The following SOX5 variants were observed in gnomAD, a reference collection of about 807,000 sequenced individuals.
SOX5 encodes SRY-box transcription factor 5, also known as transcription factor SOX-5.
A neutral mutation model predicts 92.0 loss-of-function variants in SOX5; 9 were observed. The observed-to-expected ratio is 0.10, with a 90% CI of 0.06 to 0.17. The LOEUF is 0.17. Among genes scored for constraint, SOX5 ranks in the 10% least tolerant of loss-of-function variants. The pLI is 1.00. For missense variants in SOX5, 642 were observed against 944.5 expected, an observed-to-expected ratio of 0.68 and a Z score of 4.20; for synonymous variants, 344 against 336.3, an observed-to-expected ratio of 1.02 and a Z score of -0.25.
At chr12:23,563,211 C>A in intron 11 of SOX5, 47 bp downstream of exon 11, 1 of 1,430,598 alleles carries the variant, frequency 7.0e-7, no homozygotes, top group Non-Finnish European at 9.6e-7. Context: ...AAGCATTAGG[C>A]AATTTAATTA....
chr12:24,121,662 G>A (rs541961188), intron 4 of SOX5, among the ~76,000 whole-genome samples: 126 of 150,382 alleles, frequency 8.4e-4, no homozygotes, highest in African/African-American at 2.9e-3. Flanking sequence ...GCTGAGGTAG[G>A]TGGATCACAA....
chr12:24,313,538 A>C (rs1205871279), intron 2 of SOX5, among the ~76,000 whole-genome samples: 1 of 152,192 alleles, frequency 6.6e-6, no homozygotes, highest in East Asian at 1.9e-4. Flanking sequence ...CAAAAAAAAT[A>C]CAAAAAAAAG....
intron 3 of SOX5, among the ~76,000 whole-genome samples, chr12:24,238,445 A>G (rs1265755425): frequency 6.6e-6 from 1 of 152,176 alleles, no homozygotes; most frequent in Non-Finnish European, 1.5e-5. Context: ...TCAACCCCCC[A>G]GGCTCAGGTG....
At chr12:24,345,662 TGAAA>T (rs1953143569) in intron 2 of SOX5, among the ~76,000 whole-genome samples, 1 of 152,220 alleles carries the variant, frequency 6.6e-6, no homozygotes, top group Admixed American at 6.5e-5. Context: ...TTGATAATTT[TGAAA>T]GAATTATGAT....
intron 6 of SOX5, among the ~76,000 whole-genome samples, chr12:23,675,626 T>A (rs1322444669): frequency 6.6e-6 from 1 of 152,164 alleles, no homozygotes; most frequent in Non-Finnish European, 1.5e-5. Flanking sequence ...TTCTTGAGAC[T>A]GGCCTTGGCA....
At chr12:24,035,601 T>C (rs565396958) in intron 4 of SOX5, among the ~76,000 whole-genome samples, 1 of 152,098 alleles carries the variant, frequency 6.6e-6, no homozygotes, top group South Asian at 2.1e-4. Context: ...ATAGTGATCA[T>C]AAAGAAAATG....
At chr12:24,427,753 A>T (rs1966857073) in intron 1 of SOX5, among the ~76,000 whole-genome samples, 1 of 152,194 alleles carries the variant, frequency 6.6e-6, no homozygotes, top group East Asian at 1.9e-4. Context: ...GTGTAACAGT[A>T]AAAGACTAAC....
chr12:24,493,164 G>A (rs1947263044), intron 1 of SOX5, among the ~76,000 whole-genome samples: 1 of 152,006 alleles, frequency 6.6e-6, no homozygotes, highest in African/African-American at 2.4e-5. Context: ...TTCATACTAT[G>A]GGATTTTATT....
intron 4 of SOX5, among the ~76,000 whole-genome samples, chr12:24,010,643 T>C (rs886476123): frequency 1.3e-5 from 2 of 152,112 alleles, no homozygotes; most frequent in African/African-American, 4.8e-5. Flanking sequence ...AAAATTTGAA[T>C]AATATTCTAG....
intron 4 of SOX5, among the ~76,000 whole-genome samples, chr12:24,151,755 A>G (rs997521363): frequency 6.6e-6 from 1 of 152,198 alleles, no homozygotes; most frequent in Admixed American, 6.5e-5. Flanking sequence ...AGTTGAAATG[A>G]AAAACTTCTC....
chr12:23,611,218 T>C (rs2075905709), intron 8 of SOX5, among the ~76,000 whole-genome samples: 1 of 152,146 alleles, frequency 6.6e-6, no homozygotes, highest in Non-Finnish European at 1.5e-5. Flanking sequence ...CTGTTTTAGA[T>C]TCCACAGGTA....
intron 3 of SOX5, among the ~76,000 whole-genome samples, chr12:23,757,508 C>G (rs1243161982): frequency 6.6e-6 from 1 of 151,878 alleles, no homozygotes; most frequent in East Asian, 1.9e-4. Flanking sequence ...TCCCAGTAAA[C>G]AGTTTGAGAG....
rs1448365607 is a variant in SOX5 at position 23,612,904 on chromosome 12, G to C, written c.1018-8371C>G. ...AGCTTCCTAATGTAACTTAAATGTG[G>C]AGTTTAAAGAGAAACTAATGTACTG... On this transcript the variant is annotated intron_variant, in intron 8 of 14. Transcript: ENST00000451604. Among the ~76,000 whole-genome samples the C allele has an allele frequency of 2.6e-5, 4 of 152,118 alleles. No homozygotes were observed. The East Asian group carries it at 5.8e-4, about 22-fold the overall frequency.
intron 4 of SOX5, among the ~76,000 whole-genome samples, chr12:24,049,175 T>G (rs940819997): frequency 6.6e-6 from 1 of 152,208 alleles, no homozygotes; most frequent in African/African-American, 2.4e-5. Context: ...GGAAAGGAAG[T>G]TGGTTTTCTT....
intron 6 of SOX5, among the ~76,000 whole-genome samples, chr12:23,666,043 A>G (rs1045068793): frequency 2.0e-5 from 3 of 152,140 alleles, no homozygotes; most frequent in Non-Finnish European, 4.4e-5. Context: ...CACACATAAT[A>G]TTGAATTTTT....
intron 2 of SOX5, among the ~76,000 whole-genome samples, chr12:24,351,541 C>T (rs1357599483): frequency 6.6e-6 from 1 of 152,112 alleles, no homozygotes; most frequent in Non-Finnish European, 1.5e-5. Context: ...CCTTTAGGTA[C>T]CTAGGTTGAA....
chr12:24,491,769 GTCTA>G (rs895814779), intron 1 of SOX5, among the ~76,000 whole-genome samples: 1 of 152,164 alleles, frequency 6.6e-6, no homozygotes, highest in Non-Finnish European at 1.5e-5. Flanking sequence ...GTGGAACTCA[GTCTA>G]TCTTTCTTAG....
intron 3 of SOX5, among the ~76,000 whole-genome samples, chr12:24,271,970 C>T (rs1375766190): frequency 1.3e-5 from 1 of 79,868 alleles, no homozygotes. Flanking sequence ...TGACATTTCA[C>T]ACACACACAC....
At chr12:24,129,274 G>A (rs1003869942) in intron 4 of SOX5, among the ~76,000 whole-genome samples, 5 of 152,162 alleles carry the variant, frequency 3.3e-5, no homozygotes, top group African/African-American at 1.2e-4. Context: ...GTCTACGTCT[G>A]TTAAAAACAA....
Sources: gnomAD v4.1 joint callset for allele counts (sites outside exome capture counted in the v4.1 genomes callset) on GRCh38, gnomAD v4.1.1 for gene constraint, MANE v1.5 for transcripts, NCBI Gene and HGNC (gene_info 2026-07-23, HGNC 2026-07-21) for gene names.